The following USP34 variants were observed in gnomAD, a reference collection of about 807,000 sequenced individuals.
USP34 encodes ubiquitin carboxyl-terminal hydrolase 34.
A neutral mutation model predicts 460.3 loss-of-function variants in USP34; 70 were observed. That is an observed-to-expected ratio of 0.15 (90% CI 0.13 to 0.19). The LOEUF (loss-of-function observed/expected upper bound fraction) is 0.19. USP34 is among the 10% of genes least tolerant of loss of function. The pLI, the probability that USP34 is intolerant of heterozygous loss-of-function variation, is 1.00. For synonymous variants in USP34, 1,647 were observed against 1,405.3 expected (o/e 1.17, Z -3.85); for missense variants, 3,985 against 4,236.2 (o/e 0.94, Z 1.65).
chr2:61,243,001 C>T (rs926083971), intron 51 of USP34, among the ~76,000 whole-genome samples: 2 of 151,918 alleles, frequency 1.3e-5, no homozygotes, highest in African/African-American at 2.4e-5. Flanking sequence ...CGCTATCAAA[C>T]CTGGCTAATT....
chr2:61,354,690 CAG>C (rs1471541046), intron 10 of USP34, among the ~76,000 whole-genome samples: 1 of 152,136 alleles, frequency 6.6e-6, no homozygotes, highest in Non-Finnish European at 1.5e-5. Context: ...CCAAATGACT[CAG>C]AAAACCTAGA....
Position 61,246,453 on chromosome 2 carries a change from G to A in USP34, c.6419C>T (p.Ser2140Leu). The A allele has an allele frequency of 6.3e-7, 1 of 1,585,104 alleles. No homozygotes were observed. Among genetic ancestry groups the A allele is most frequent in the Non-Finnish European group, 8.6e-7 (1 of 1,165,866 alleles). The change falls in exon 50 of 80, where the codon TCA becomes TTA. Residue 2140 changes from serine to leucine, a missense_variant. Coordinates refer to ENST00000398571, the MANE Select transcript of USP34 (RefSeq NM_014709.4). ...ATATTCATAGCTCTCTGAGTCTTTT[G>A]AATGATCACTGACTTCTTTAAAACC... ...KEGFKEVSDH[S>L]KDSESYEYDL...
intron 1 of USP34, among the ~76,000 whole-genome samples, chr2:61,439,312 AC>A (rs1694900946): frequency 6.6e-6 from 1 of 151,736 alleles, no homozygotes; most frequent in Non-Finnish European, 1.5e-5. Context: ...GAGCCACTTG[AC>A]CCTCATGCCC....
intron 2 of USP34, among the ~76,000 whole-genome samples, chr2:61,408,388 G>C (rs1370070307): frequency 6.6e-6 from 1 of 152,044 alleles, no homozygotes; most frequent in Middle Eastern, 3.4e-3. Flanking sequence ...TTGTCACACA[G>C]AAATATATAA....
chr2:61,211,953 T>C, intron 68 of USP34, 24 bp from the exon 69 acceptor site: 1 of 1,592,188 alleles, frequency 6.3e-7, no homozygotes, highest in Non-Finnish European at 8.5e-7. Context: ...ATAAGCCATA[T>C]GATCTTTTAA....
At position 61,314,584 on chromosome 2, in the gene USP34, C is replaced by A; in HGVS notation, c.3542+1G>T. 6.8e-7 allele frequency: 1 copy of A among 1,477,604 alleles called. No homozygotes were observed. The highest frequency in any genetic ancestry group is 9.0e-7 in the Non-Finnish European group (1 of 1,116,990). The allele number at this position is 1,477,604 out of a possible 1,614,324, so 91.5% of individuals were successfully genotyped here. A position where few individuals can be genotyped will look rare whatever the true frequency, so the allele number is the denominator to read the frequency against. On this transcript the variant is annotated splice_donor_variant, in intron 25 of 79. Transcript: ENST00000398571. LOFTEE classifies it high-confidence loss of function. ...TAACAGTGTGATATTTTAAAAATTA[C>A]CTTCTCCTAAACGCTTCCAGATGTG... is the stretch of plus-strand genomic sequence containing the variant.
chr2:61,426,399 G>A (rs1004164900), intron 1 of USP34, among the ~76,000 whole-genome samples: 23 of 152,244 alleles, frequency 1.5e-4, no homozygotes, highest in East Asian at 7.7e-4. Context: ...GTAACAGAGC[G>A]TTCATGACAA....
At chr2:61,257,905 A>AG (rs1471749925) in intron 44 of USP34, among the ~76,000 whole-genome samples, 1 of 152,116 alleles carries the variant, frequency 6.6e-6, no homozygotes, top group Non-Finnish European at 1.5e-5. Flanking sequence ...CAAAAAAAAC[A>AG]CTCACATCTA....
intron 3 of USP34, among the ~76,000 whole-genome samples, chr2:61,400,492 TTAAAAG>T (rs905423178): frequency 4.4e-4 from 67 of 152,254 alleles, no homozygotes; most frequent in African/African-American, 1.5e-3. Flanking sequence ...AAATTTTTGC[TTAAAAG>T]TAACTCAGTG....
intron 20 of USP34, among the ~76,000 whole-genome samples, chr2:61,328,103 G>C (rs1691150475): frequency 6.6e-6 from 1 of 151,982 alleles, no homozygotes; most frequent in Non-Finnish European, 1.5e-5. Flanking sequence ...AAGAGTTCGA[G>C]ACCAGCCTGG....
chr2:61,229,234 C>G (rs886866545), intron 59 of USP34, among the ~76,000 whole-genome samples: 11 of 138,194 alleles, frequency 8.0e-5, no homozygotes, highest in Non-Finnish European at 1.5e-4. Flanking sequence ...ACAGTTTTAC[C>G]TTCTTGAATG....
At chr2:61,422,321 T>G (rs144634760) in intron 1 of USP34, among the ~76,000 whole-genome samples, 1 of 152,172 alleles carries the variant, frequency 6.6e-6, no homozygotes, top group Admixed American at 6.5e-5. Context: ...CATATCCTAC[T>G]CTAACAAAAA....
chr2:61,312,225 T>TA (rs79623374), intron 25 of USP34, among the ~76,000 whole-genome samples: 2,077 of 140,894 alleles, frequency 0.015, 45 homozygotes, highest in African/African-American at 0.045. Context: ...TAGGAGGAAT[T>TA]AAAAAAAAAA....
chr2:61,417,019 T>A, intron 2 of USP34: 6 of 1,315,800 alleles, frequency 4.6e-6, no homozygotes, highest in Non-Finnish European at 6.5e-6. Context: ...GAAGCCCCAC[T>A]TCTTCCAGAT....
chr2:61,247,829 C>T (rs1175225457), intron 49 of USP34, among the ~76,000 whole-genome samples: 1 of 152,182 alleles, frequency 6.6e-6, no homozygotes, highest in African/African-American at 2.4e-5. Context: ...GAGTCTCGCT[C>T]TGTCGCCCAC....
chr2:61,245,568 G>A (rs753671554), intron 50 of USP34, among the ~76,000 whole-genome samples: 18 of 151,462 alleles, frequency 1.2e-4, no homozygotes, highest in Non-Finnish European at 2.5e-4. Context: ...AACATGTAAC[G>A]CTATTAGGAA....
chr2:61,217,726 G>C (rs1687443158), intron 67 of USP34, among the ~76,000 whole-genome samples: 1 of 152,156 alleles, frequency 6.6e-6, no homozygotes, highest in African/African-American at 2.4e-5. Flanking sequence ...AGGCCGAGGT[G>C]GGTGGATCAC....
intron 1 of USP34, among the ~76,000 whole-genome samples, chr2:61,448,262 C>G (rs921795720): frequency 6.6e-6 from 1 of 152,156 alleles, no homozygotes; most frequent in Non-Finnish European, 1.5e-5. Context: ...CTGCTTCAGG[C>G]CAGGAGTTCA....
chr2:61,411,573 G>A (rs1489946100), intron 2 of USP34, among the ~76,000 whole-genome samples: 2 of 151,882 alleles, frequency 1.3e-5, no homozygotes, highest in Admixed American at 6.6e-5. Context: ...CTTTCACTCC[G>A]AGTTACTATT....
Sources: gnomAD v4.1 joint callset for allele counts (sites outside exome capture counted in the v4.1 genomes callset) on GRCh38, gnomAD v4.1.1 for gene constraint, MANE v1.5 for transcripts, NCBI Gene and HGNC (gene_info 2026-07-23, HGNC 2026-07-21) for gene names.